The following NHLRC2 variants were observed in gnomAD, a reference collection of about 807,000 sequenced individuals.
NHLRC2 encodes NHL repeat-containing protein 2.
A neutral mutation model predicts 68.1 loss-of-function variants in NHLRC2; 33 were observed. The observed-to-expected ratio is 0.48, with a 90% CI of 0.37 to 0.65. NHLRC2 has a LOEUF of 0.65. Ranked by LOEUF, NHLRC2 falls within the 30% of genes least tolerant of loss-of-function variation. The pLI, the probability that NHLRC2 is intolerant of heterozygous loss-of-function variation, is 0.00. For synonymous variants in NHLRC2, 311 were observed against 309.6 expected, an observed-to-expected ratio of 1.00 and a Z score of -0.05; for missense variants, 761 against 853.8, an observed-to-expected ratio of 0.89 and a Z score of 1.35.
chr10:113,891,470 T>G (rs762343795), intron 5 of NHLRC2, among the ~76,000 whole-genome samples: 2 of 152,204 alleles, frequency 1.3e-5, no homozygotes, highest in Non-Finnish European at 2.9e-5. Flanking sequence ...ATAGTACTTA[T>G]GTTATAATTA....
intron 2 of NHLRC2, among the ~76,000 whole-genome samples, chr10:113,870,857 T>A (rs1845916302): frequency 6.6e-6 from 1 of 152,150 alleles, no homozygotes; most frequent in Admixed American, 6.5e-5. Flanking sequence ...TATCTTGGTG[T>A]AATTTTAAGA....
intron 5 of NHLRC2, among the ~76,000 whole-genome samples, chr10:113,892,303 T>A (rs150408780): frequency 6.6e-6 from 1 of 152,362 alleles, no homozygotes; most frequent in African/African-American, 2.4e-5. Flanking sequence ...AGTTTTGCCT[T>A]TAAAAATATT....
intron 1 of NHLRC2, among the ~76,000 whole-genome samples, chr10:113,855,864 A>G (rs1333255394): frequency 6.6e-6 from 1 of 152,096 alleles, no homozygotes; most frequent in Non-Finnish European, 1.5e-5. Context: ...ACCTTATTCA[A>G]TTACCTCTAT....
intron 10 of NHLRC2, among the ~76,000 whole-genome samples, chr10:113,906,898 G>A (rs916668044): frequency 2.6e-5 from 4 of 152,194 alleles, no homozygotes; most frequent in Non-Finnish European, 1.5e-5. Flanking sequence ...CAGGAGAATG[G>A]CGTGAACCCG....
At chr10:113,893,543 T>A in intron 5 of NHLRC2, among the ~76,000 whole-genome samples, 1 of 152,180 alleles carries the variant, frequency 6.6e-6, no homozygotes, top group Non-Finnish European at 1.5e-5. Flanking sequence ...ACCTGGGTGA[T>A]GATTATCATT....
At chr10:113,870,366 C>CT (rs1011545562) in intron 2 of NHLRC2, among the ~76,000 whole-genome samples, 6 of 151,780 alleles carry the variant, frequency 4.0e-5, no homozygotes, top group African/African-American at 9.7e-5. Flanking sequence ...TTAAAATTTC[C>CT]TTTTTTTTAA....
chr10:113,863,626 C>T (rs1845836194), intron 2 of NHLRC2, among the ~76,000 whole-genome samples: 1 of 152,002 alleles, frequency 6.6e-6, no homozygotes, highest in South Asian at 2.1e-4. Flanking sequence ...AAGATTCAAG[C>T]AGGGAGAAAC....
chr10:113,902,613 T>C lies in NHLRC2; in HGVS notation c.1494+20T>C. ...CACAAGGTGAGTCGTGACAGAATTA[T>C]ATAATATCTTGCTTTTTGTGTGTGG... On this transcript the variant is annotated intron_variant, in intron 8 of 10. Coordinates refer to ENST00000369301, the MANE Select transcript of NHLRC2 (RefSeq NM_198514.4). The C allele has an allele frequency of 6.3e-7, 1 of 1,592,766 alleles. No individual in the cohort carries two copies. The highest frequency in any genetic ancestry group is 1.1e-5 in the South Asian group (1 of 87,164).
At position 113,913,380 on chromosome 10, in the gene NHLRC2, T is replaced by C. The variant is rs1846347084; in HGVS notation, c.*4844T>C. 6.6e-6 allele frequency: 1 copy of C among 152,266 alleles called. No homozygotes were observed. The highest frequency in any genetic ancestry group is 6.5e-5 in the Admixed American group (1 of 15,288). The allele number at this position is 152,266 out of a possible 1,614,324, so 9.4% of individuals were successfully genotyped here. On this transcript the variant is annotated 3_prime_UTR_variant, in exon 11 of 11. Coordinates refer to ENST00000369301, the MANE Select transcript of NHLRC2 (RefSeq NM_198514.4). ...CATTTAATTATACAACTTTGCATTA[T>C]ATACTGTTATTCAGACCTTGGAACA...
rs564304305 is a variant in NHLRC2, at chr10:113,880,458, T to C, written c.909+763T>C. On this transcript the variant is annotated intron_variant, in intron 4 of 10. Coordinates refer to ENST00000369301, the MANE Select transcript of NHLRC2 (RefSeq NM_198514.4). The stretch of plus-strand genomic sequence containing the variant: ...TCAGACATTTCCTCCTGATGGTTGT[T>C]TTGGCTAAACCATTGGTCTTTAAGT... 3.9e-5 allele frequency among the ~76,000 whole-genome samples: 6 copies of C among 152,086 alleles called. No individual in the cohort carries two copies. The South Asian group carries it at 1.2e-3, about 32-fold the overall frequency.
Position 113,915,639 on chromosome 10 carries a change from T to C in NHLRC2, c.*7103T>C, listed in dbSNP as rs1208767531. ...AAAATAGTTTTTTTTTCCCTTCCCATTTTTTTGTTTTTAAGAGATAGGGTC... is the reference window on the plus strand; with the variant it reads ...AAAATAGTTTTTTTTTCCCTTCCCACTTTTTTGTTTTTAAGAGATAGGGTC... On this transcript the variant is annotated 3_prime_UTR_variant, in exon 11 of 11. Coordinates refer to ENST00000369301, the MANE Select transcript of NHLRC2 (RefSeq NM_198514.4). 1 of 235,602 alleles carries C rather than the reference T, an allele frequency of 4.2e-6. No homozygotes were observed. Among genetic ancestry groups the C allele is most frequent in the African/African-American group, 2.4e-5 (1 of 42,244 alleles). 14.6% of individuals were successfully genotyped at this position (235,602 alleles called of 1,614,324 possible). A position where few individuals can be genotyped will look rare whatever the true frequency, so the allele number is the denominator to read the frequency against.
intron 9 of NHLRC2, 35 bp downstream of exon 9, chr10:113,903,771 G>A: frequency 8.1e-7 from 1 of 1,240,538 alleles, no homozygotes. Context: ...AAAGAATGTG[G>A]TTTTAAGAAT....
At chr10:113,904,716 A>T in intron 9 of NHLRC2, 101 bp from the exon 10 acceptor site, 1 of 837,596 alleles carries the variant, frequency 1.2e-6, no homozygotes, top group South Asian at 1.6e-5. Context: ...AGTTTCATTG[A>T]CATAGAACTT....
At chr10:113,907,756 T>C (rs986399712) in intron 10 of NHLRC2, among the ~76,000 whole-genome samples, 1 of 152,068 alleles carries the variant, frequency 6.6e-6, no homozygotes, top group East Asian at 1.9e-4. Context: ...AAATAAAGTG[T>C]GTGTGTATTT....
Position 113,916,310 on chromosome 10 carries a change from G to A in NHLRC2, c.*7774G>A, listed in dbSNP as rs186864089. ...CTACTGCTTCCTCTCCACAGCTTAGGCCTCCCTCTTACTAAAAACAATAGT... is the reference window on the plus strand; with the variant it reads ...CTACTGCTTCCTCTCCACAGCTTAGACCTCCCTCTTACTAAAAACAATAGT... On this transcript the variant is annotated 3_prime_UTR_variant, in exon 11 of 11. Transcript: ENST00000369301. The A allele has an allele frequency of 4.6e-5, 7 of 152,242 alleles. No individual in the cohort carries two copies. In the East Asian group the frequency reaches 1.4e-3, roughly 29 times the overall value. 9.4% of individuals were successfully genotyped at this position (152,242 alleles called of 1,614,324 possible).
intron 2 of NHLRC2, among the ~76,000 whole-genome samples, chr10:113,874,310 A>G (rs1024645284): frequency 2.6e-5 from 4 of 152,138 alleles, no homozygotes; most frequent in Non-Finnish European, 4.4e-5. Context: ...AAAACAGATG[A>G]ACAGGTTAAG....
intron 6 of NHLRC2, among the ~76,000 whole-genome samples, chr10:113,898,755 G>T (rs1417572956): frequency 1.3e-5 from 2 of 152,126 alleles, no homozygotes; most frequent in African/African-American, 2.4e-5. Context: ...TTGTAGTCAG[G>T]CCTGAGGTTG....
At chr10:113,874,939 A>G (rs1288173328) in intron 2 of NHLRC2, among the ~76,000 whole-genome samples, 1 of 146,102 alleles carries the variant, frequency 6.8e-6, no homozygotes, top group Non-Finnish European at 1.5e-5. Context: ...CTGTCTTTTT[A>G]CTTCATTTGT....
At chr10:113,860,999 T>C (rs1313537618) in intron 2 of NHLRC2, among the ~76,000 whole-genome samples, 2 of 152,190 alleles carry the variant, frequency 1.3e-5, no homozygotes, top group African/African-American at 4.8e-5. Flanking sequence ...CTCTTTGACT[T>C]ACAGTGAATT....
Sources: gnomAD v4.1 joint callset for allele counts (sites outside exome capture counted in the v4.1 genomes callset) on GRCh38, gnomAD v4.1.1 for gene constraint, MANE v1.5 for transcripts, NCBI Gene and HGNC (gene_info 2026-07-23, HGNC 2026-07-21) for gene names.